The following CDKL1 variants were observed in gnomAD, a reference collection of about 807,000 sequenced individuals.
The protein encoded by CDKL1 is cyclin-dependent kinase-like 1.
A neutral mutation model predicts 42.0 loss-of-function variants in CDKL1; 41 were observed. The ratio of observed to expected loss-of-function variants is 0.98; its 90% CI spans 0.76 to 1.27. The LOEUF (loss-of-function observed/expected upper bound fraction) is 1.27, where lower values mean the gene tolerates loss of function less well. Among genes scored for constraint, CDKL1 ranks in the 50% most tolerant of loss-of-function variants. The pLI, the probability that CDKL1 is intolerant of heterozygous loss-of-function variation, is 0.00. For synonymous variants in CDKL1, 153 were observed against 158.6 expected (o/e 0.96, Z 0.26); for missense variants, 394 against 428.4 (o/e 0.92, Z 0.71).
At chr14:50,390,255 T>C (rs1375985863) in intron 2 of CDKL1, 3 of 1,366,342 alleles carry the variant, frequency 2.2e-6, no homozygotes, top group Non-Finnish European at 2.0e-6. Flanking sequence ...TGGTCTAATA[T>C]ATTTTAACGC....
intron 6 of CDKL1, among the ~76,000 whole-genome samples, chr14:50,340,181 C>T (rs534820289): frequency 1.4e-4 from 21 of 152,274 alleles, no homozygotes; most frequent in African/African-American, 3.4e-4. Flanking sequence ...GCCTACAAAG[C>T]GCCTTCCATG....
Position 50,338,945 on chromosome 14 carries a change from A to G in CDKL1, c.738+2T>C. 1 of 1,596,246 alleles carries G rather than the reference A, an allele frequency of 6.3e-7. No individual in the cohort carries two copies. Among genetic ancestry groups the G allele is most frequent in the Non-Finnish European group, 8.6e-7 (1 of 1,163,746 alleles). ...GAGCTCTCTCCAAAATGGGTAACTC[A>G]CCATATCTTCAGGGTCTGGAATTTT... On this transcript the variant is annotated splice_donor_variant, in intron 7 of 9. Transcript: ENST00000395834. LOFTEE classifies it high-confidence loss of function.
chr14:50,396,932 G>A (rs1320799186), upstream of CDKL1: 279 of 343,186 alleles, frequency 8.1e-4, no homozygotes, highest in Non-Finnish European at 1.1e-3. Flanking sequence ...CTCCCGCCCC[G>A]GGTCTGCCTG....
chr14:50,361,020 G>A (rs1231986810), intron 2 of CDKL1, among the ~76,000 whole-genome samples: 1 of 152,160 alleles, frequency 6.6e-6, no homozygotes, highest in Non-Finnish European at 1.5e-5. Context: ...GTACAAATAT[G>A]TTTTTGAGAC....
intron 2 of CDKL1, among the ~76,000 whole-genome samples, chr14:50,384,451 G>A (rs2035012456): frequency 1.3e-5 from 2 of 152,214 alleles, no homozygotes; most frequent in Admixed American, 6.5e-5. Context: ...GGGGCAGGAT[G>A]AGCCTGGGAC....
rs985510326 is a variant in CDKL1 at position 50,329,057 on chromosome 14, A to G, written c.*1017T>C. 9 of 149,136 alleles carry G rather than the reference A, an allele frequency of 6.0e-5. No individual in the cohort carries two copies. The highest frequency in any genetic ancestry group is 2.0e-4 in the Admixed American group (3 of 14,876). The allele number at this position is 149,136 out of a possible 1,614,324, so 9.2% of individuals were successfully genotyped here. On this transcript the variant is annotated 3_prime_UTR_variant, in exon 10 of 10. Coordinates refer to ENST00000395834, the MANE Select transcript of CDKL1 (RefSeq NM_004196.7). Reference sequence around the variant, plus strand: ...ATAGCATATATATATATATATATATATATATACATACACATACATACACAT... The same window carrying G: ...ATAGCATATATATATATATATATATGTATATACATACACATACATACACAT...
intron 7 of CDKL1, chr14:50,334,830 C>T (rs560147185): frequency 9.7e-6 from 5 of 517,964 alleles, no homozygotes; most frequent in Non-Finnish European, 1.4e-5. Context: ...AAATTTGCTT[C>T]GTAACTACTC....
At position 50,341,462 on chromosome 14, in the gene CDKL1, G is replaced by A. The variant is rs987890930; in HGVS notation, c.455-230C>T. On this transcript the variant is annotated intron_variant, in intron 5 of 9. Transcript: ENST00000395834. The stretch of plus-strand genomic sequence containing the variant: ...AGAATCCCTGGGGAGGGTCTGGGGG[G>A]GGGGGGGGGGTTATTTGGCTTAGAA... Among the ~76,000 whole-genome samples the A allele has an allele frequency of 1.2e-4, 16 of 138,252 alleles. No homozygotes were observed. In the South Asian group the frequency reaches 1.6e-3, roughly 14 times the overall value. The allele number at this position is 138,252 out of a possible 152,430, so 90.7% of individuals were successfully genotyped here. A position where few individuals can be genotyped will look rare whatever the true frequency, so the allele number is the denominator to read the frequency against.
At position 50,332,286 on chromosome 14, in the gene CDKL1, G is replaced by T. The variant is rs758590791; in HGVS notation, c.942C>A (p.His314Gln). Residue 314 changes from histidine to glutamine, a missense_variant, in exon 9 of 10, where the codon CAC becomes CAA. Transcript: ENST00000395834. The part of the protein sequence containing the change: ...TRKTLRKSRK[H>Q]HCFTETSKLQ... ...CCTTGGATGTTTCTGTAAAGCAGTG[G>T]TGCTTTCGGCTCTTTCTTAGGGTCT... 3 of 1,614,054 alleles carry T rather than the reference G, an allele frequency of 1.9e-6. No individual in the cohort carries two copies. Among genetic ancestry groups the T allele is most frequent in the Non-Finnish European group, 2.5e-6 (3 of 1,180,036 alleles).
In CDKL1 at chr14:50,344,987, T is replaced by C. The variant is rs1363981502; in HGVS notation, c.362A>G (p.Asn121Ser). 3 of 1,612,980 alleles carry C rather than the reference T, an allele frequency of 1.9e-6. No homozygotes were observed. The African/African-American group carries it at 4.0e-5, about 22-fold the overall frequency. The change falls in exon 4 of 10, where the codon AAT (asparagine) becomes AGT (serine). Residue 121 changes from asparagine to serine, a missense_variant and splice_region_variant. Physicochemically the swap from Asn to Ser is conservative, Grantham distance 46. Transcript: ENST00000395834. ...LQAVNFCHKH[N>S]CIHRDVKPEN... Reference sequence around the variant, plus strand: ...TTCAAAAGAGATCATGAGACTTACATTGTGTTTATGGCAAAAATTTACAGC... The same window carrying C: ...TTCAAAAGAGATCATGAGACTTACACTGTGTTTATGGCAAAAATTTACAGC...
intron 2 of CDKL1, chr14:50,378,482 C>G (rs543879454): frequency 7.5e-7 from 1 of 1,335,976 alleles, no homozygotes; most frequent in East Asian, 4.6e-5. Flanking sequence ...TGTCGCATAA[C>G]TTGGGACTTA....
chr14:50,390,088 C>T, intron 2 of CDKL1: 1 of 1,131,072 alleles, frequency 8.8e-7, no homozygotes, highest in Non-Finnish European at 1.2e-6. Flanking sequence ...AACAATGATA[C>T]TTGGCAGTTT....
In CDKL1 at chr14:50,359,052, T is replaced by G; in HGVS notation, c.266A>C (p.His89Pro). 3 of 1,612,860 alleles carry G rather than the reference T, an allele frequency of 1.9e-6. No individual in the cohort carries two copies. Among genetic ancestry groups the G allele is most frequent in the Non-Finnish European group, 2.5e-6 (3 of 1,178,952 alleles). Residue 89 changes from histidine (H) to proline (P), a missense_variant, in exon 3 of 10, where the codon CAT (histidine) becomes CCT (proline). By Grantham distance (77) the His-to-Pro change is moderately conservative. Coordinates refer to ENST00000395834, the MANE Select transcript of CDKL1 (RefSeq NM_004196.7). ...CCCTCTTTGGTATCTGTCCAACTCA[T>G]GGAGAACTGTGTGGTCACAATATTC... ...VFEYCDHTVL[H>P]ELDRYQRGVP...
intron 2 of CDKL1, among the ~76,000 whole-genome samples, chr14:50,385,100 A>G (rs2035037915): frequency 7.8e-6 from 1 of 128,740 alleles, no homozygotes; most frequent in Admixed American, 7.9e-5. Context: ...AAAAAAAAAA[A>G]AAAAAAAAGA....
At chr14:50,374,957 G>A in intron 2 of CDKL1, among the ~76,000 whole-genome samples, 1 of 152,104 alleles carries the variant, frequency 6.6e-6, no homozygotes, top group East Asian at 1.9e-4. Context: ...GGCAAGAGGA[G>A]GGAGAGCATT....
At chr14:50,396,524 G>A (rs1431794063) in intron 1 of CDKL1, among the ~76,000 whole-genome samples, 195 bp from the exon 2 acceptor site, 4 of 152,176 alleles carry the variant, frequency 2.6e-5, no homozygotes. Context: ...TCTTTTTAAC[G>A]TTATCGTTCA....
intron 6 of CDKL1, 80 bp downstream of exon 6, chr14:50,340,952 G>T: frequency 6.7e-7 from 1 of 1,486,736 alleles, no homozygotes; most frequent in Non-Finnish European, 9.1e-7. Flanking sequence ...CATTAGGTGA[G>T]ACTGAGAACT....
At chr14:50,331,888 T>A (rs1173894058) in intron 9 of CDKL1, 1 of 794,514 alleles carries the variant, frequency 1.3e-6, no homozygotes, top group Non-Finnish European at 1.9e-6. Context: ...CCTGGAGTGT[T>A]AGTTTTAATA....
chr14:50,370,269 A>C (rs981360619), intron 2 of CDKL1, among the ~76,000 whole-genome samples: 3 of 152,058 alleles, frequency 2.0e-5, no homozygotes, highest in Non-Finnish European at 4.4e-5. Context: ...AAATTTCACT[A>C]TGTTGGCCAG....
Sources: gnomAD v4.1 joint callset for allele counts (sites outside exome capture counted in the v4.1 genomes callset) on GRCh38, gnomAD v4.1.1 for gene constraint, MANE v1.5 for transcripts, NCBI Gene and HGNC (gene_info 2026-07-23, HGNC 2026-07-21) for gene names.